Variants in SLCO1B3 observed in about 807,000 individuals in gnomAD.
SLCO1B3 encodes solute carrier organic anion transporter family member 1B3, also known as liver-specific organic anion transporter 2.
Under a neutral mutation model 71.8 loss-of-function variants are expected in SLCO1B3, and 72 were observed. That is an observed-to-expected ratio of 1.00 (90% CI 0.83 to 1.22). The LOEUF (loss-of-function observed/expected upper bound fraction) is 1.22, where lower values mean the gene tolerates loss of function less well. Among genes scored for constraint, SLCO1B3 ranks in the 50% most tolerant of loss-of-function variants. SLCO1B3 has a pLI of 0.00. For synonymous variants in SLCO1B3, 298 were observed against 278.4 expected (o/e 1.07, Z -0.70); for missense variants, 911 against 819.7 (o/e 1.11, Z -1.36).
intron 6 of SLCO1B3, 151 bp from the exon 7 acceptor site, chr12:20,862,261 T>G: frequency 1.1e-6 from 1 of 897,854 alleles, no homozygotes; most frequent in Non-Finnish European, 1.6e-6. Flanking sequence ...TGCCCTTCCT[T>G]ATTTTCAAAC....
chr12:20,863,977 C>T (rs1031617640), intron 8 of SLCO1B3, among the ~76,000 whole-genome samples: 2 of 151,904 alleles, frequency 1.3e-5, no homozygotes, highest in Non-Finnish European at 2.9e-5. Context: ...TAAAACTCAA[C>T]CTGTGAAAAG....
At chr12:20,880,069 A>G (rs1378434797) in intron 11 of SLCO1B3, among the ~76,000 whole-genome samples, 2 of 151,606 alleles carry the variant, frequency 1.3e-5, no homozygotes, top group East Asian at 1.9e-4. Flanking sequence ...TTTAAATTCT[A>G]TACTCATTTG....
rs910990197 is a variant in SLCO1B3 at position 20,810,771 on chromosome 12, A to G, written c.-181+7A>G. 1 of 152,168 alleles carries G rather than the reference A, an allele frequency of 6.6e-6. No homozygotes were observed. The highest frequency in any genetic ancestry group is 3.2e-3 in the Middle Eastern group (1 of 316). 9.4% of individuals were successfully genotyped at this position (152,168 alleles called of 1,614,324 possible). ...TGTAGCATTCAAAGTCAAGGTAAGA[A>G]CCGTCGAGGTTGTCTAATTAAAACA... On this transcript the variant is annotated splice_region_variant and intron_variant, in intron 1 of 15. Transcript: ENST00000381545.
At chr12:20,878,450 AT>A (rs1865627450) in intron 10 of SLCO1B3, among the ~76,000 whole-genome samples, 1 of 152,082 alleles carries the variant, frequency 6.6e-6, no homozygotes, top group Non-Finnish European at 1.5e-5. Flanking sequence ...TACAATGCCT[AT>A]TTTCAAAGTC....
chr12:20,895,714 G>A (rs1442396452), intron 13 of SLCO1B3, among the ~76,000 whole-genome samples: 1 of 152,160 alleles, frequency 6.6e-6, no homozygotes, highest in Non-Finnish European at 1.5e-5. Context: ...GGATCTGGAG[G>A]ATGGTGACCC....
At position 20,853,474 on chromosome 12, in the gene SLCO1B3, A is replaced by G. The variant is rs542171900; in HGVS notation, c.85-1554A>G. ...CAATTTTAGTAGGTTGTATGTTTCT[A>G]GGAATGTATTCATTTATTCTATGTT... On this transcript the variant is annotated intron_variant, in intron 3 of 15. Transcript: ENST00000381545. 5.9e-5 allele frequency among the ~76,000 whole-genome samples: 9 copies of G among 152,164 alleles called. No homozygotes were observed. The South Asian group carries it at 1.9e-3, about 32-fold the overall frequency.
Position 20,822,516 on chromosome 12 carries a change from T to C in SLCO1B3, c.84+6694T>C, listed in dbSNP as rs548546572. Among the ~76,000 whole-genome samples, 6 of 152,234 alleles carry C rather than the reference T, an allele frequency of 3.9e-5. No individual in the cohort carries two copies. In the East Asian group the frequency reaches 1.2e-3, roughly 30 times the overall value. ...TCATCAGTTAAGGCGGGGCAGGGCC[T>C]TTCACTTCTTTTGTGATTCTTCAGT... On this transcript the variant is annotated intron_variant, in intron 3 of 15. Coordinates refer to ENST00000381545, the MANE Select transcript of SLCO1B3 (RefSeq NM_019844.4).
chr12:20,839,483 T>G (rs1267762429), intron 3 of SLCO1B3, among the ~76,000 whole-genome samples: 1 of 152,138 alleles, frequency 6.6e-6, no homozygotes, highest in Non-Finnish European at 1.5e-5. Context: ...TTCCACTCTT[T>G]CTGTGCTGGC....
rs1428987268 is a variant in SLCO1B3, at chr12:20,827,746, A to AT, written c.84+11929dup. On this transcript the variant is annotated intron_variant, in intron 3 of 15. Transcript: ENST00000381545. ...GCCACCATGCCAATCTAATTTTTGTATTTTTGTAGAGACAGGGTTTACCAT... is the reference window on the plus strand; with the variant it reads ...GCCACCATGCCAATCTAATTTTTGTATTTTTTGTAGAGACAGGGTTTACCAT... Among the ~76,000 whole-genome samples, 16 of 152,016 alleles carry AT rather than the reference A, an allele frequency of 1.1e-4. No homozygotes were observed. In the South Asian group the frequency reaches 3.1e-3, roughly 30 times the overall value.
chr12:20,886,305 A>G (rs1865791906), intron 13 of SLCO1B3, among the ~76,000 whole-genome samples: 1 of 152,068 alleles, frequency 6.6e-6, no homozygotes, highest in Non-Finnish European at 1.5e-5. Flanking sequence ...CCATTTAGGA[A>G]AATCATTAAA....
chr12:20,835,003 T>C (rs747910816), intron 3 of SLCO1B3, among the ~76,000 whole-genome samples: 2 of 152,172 alleles, frequency 1.3e-5, no homozygotes, highest in Non-Finnish European at 2.9e-5. Context: ...TCCTCTGAAA[T>C]CTAGGTGGAG....
intron 11 of SLCO1B3, 42 bp from the exon 12 acceptor site, chr12:20,880,813 C>T: frequency 7.1e-7 from 1 of 1,411,262 alleles, no homozygotes. Context: ...TCTCTACTTC[C>T]TCTTTCTCTT....
At position 20,879,553 on chromosome 12, in the gene SLCO1B3, C is replaced by G. The variant is rs1865649566; in HGVS notation, c.1253C>G (p.Ser418Cys). The change falls in exon 11 of 16, where the codon TCC (serine) becomes TGC (cysteine). Residue 418 changes from serine to cysteine, a missense_variant. By Grantham distance (112) the Ser-to-Cys change is moderately radical (BLOSUM62 -1). Coordinates refer to ENST00000381545, the MANE Select transcript of SLCO1B3 (RefSeq NM_019844.4). ...AKFSFLTSMI[S>C]FLFQLLYFPL... ...TTTTCATTTCTTACTTCGATGATAT[C>G]CTTCTTGTTTCAACTTCTATATTTC... 1 of 1,612,440 alleles carries G rather than the reference C, an allele frequency of 6.2e-7. No homozygotes were observed. The highest frequency in any genetic ancestry group is 1.7e-5 in the Admixed American group (1 of 59,790).
chr12:20,829,911 G>A (rs192100229), intron 3 of SLCO1B3, among the ~76,000 whole-genome samples: 1 of 152,228 alleles, frequency 6.6e-6, no homozygotes, highest in African/African-American at 2.4e-5. Context: ...AGGATGACCA[G>A]AAGTCACTCT....
intron 3 of SLCO1B3, among the ~76,000 whole-genome samples, chr12:20,829,856 A>G (rs1016717477): frequency 6.6e-6 from 1 of 152,154 alleles, no homozygotes; most frequent in Non-Finnish European, 1.5e-5. Flanking sequence ...TGATGTGGCC[A>G]TGGCATTTAT....
chr12:20,820,193 A>T (rs897180871), intron 3 of SLCO1B3, among the ~76,000 whole-genome samples: 23 of 152,154 alleles, frequency 1.5e-4, no homozygotes, highest in African/African-American at 5.1e-4. Context: ...GGACGGACTT[A>T]CCCTCCACTG....
At chr12:20,852,771 A>G (rs1298239497) in intron 3 of SLCO1B3, among the ~76,000 whole-genome samples, 2 of 152,102 alleles carry the variant, frequency 1.3e-5, no homozygotes, top group African/African-American at 2.4e-5. Flanking sequence ...TTAATTTTGA[A>G]TGTTGATTTG....
intron 15 of SLCO1B3, among the ~76,000 whole-genome samples, chr12:20,904,236 T>C (rs1269581705): frequency 3.6e-4 from 4 of 11,004 alleles, no homozygotes; most frequent in African/African-American, 1.1e-3. Flanking sequence ...CGAGACTCTG[T>C]CTAAAAAAAA....
intron 15 of SLCO1B3, among the ~76,000 whole-genome samples, chr12:20,911,250 A>G (rs941180036): frequency 2.6e-5 from 4 of 152,172 alleles, no homozygotes; most frequent in Non-Finnish European, 5.9e-5. Flanking sequence ...AATAAATTAT[A>G]TAATTGATTT....
Sources: allele counts gnomAD v4.1 joint callset (sites outside exome capture counted in the v4.1 genomes callset), GRCh38; gene constraint gnomAD v4.1.1; transcripts MANE v1.5; gene names NCBI Gene and HGNC (gene_info 2026-07-23, HGNC 2026-07-21).